PC: variants seen among roughly 807,000 people sequenced by gnomAD.
The protein encoded by PC is pyruvate carboxylase, mitochondrial.
In PC, 46 loss-of-function variants were observed where a neutral mutation model predicts 107.8. The observed-to-expected ratio is 0.43, with a 90% CI of 0.34 to 0.55. PC has a LOEUF of 0.55. Ranked by LOEUF, PC falls within the 20% of genes least tolerant of loss-of-function variation. PC has a pLI of 0.04. For synonymous variants in PC, 662 were observed against 684.7 expected, an observed-to-expected ratio of 0.97 and a Z score of 0.52; for missense variants, 1,241 against 1,643.1, an observed-to-expected ratio of 0.76 and a Z score of 4.23.
At chr11:66,859,788 C>T in intron 12 of PC, 1 of 1,598,196 alleles carries the variant, frequency 6.3e-7, no homozygotes, top group Non-Finnish European at 8.5e-7. Flanking sequence ...CTCCACGCTG[C>T]CGGCCTCGCC....
At chr11:66,876,931 A>G (rs1297257336) in intron 3 of PC, among the ~76,000 whole-genome samples, 1 of 152,164 alleles carries the variant, frequency 6.6e-6, no homozygotes, top group Non-Finnish European at 1.5e-5. Context: ...AGAAAGCAAG[A>G]GATTCAAAAT....
chr11:66,888,797 T>C (rs1463753256), intron 3 of PC, among the ~76,000 whole-genome samples: 1 of 152,138 alleles, frequency 6.6e-6, no homozygotes, highest in Non-Finnish European at 1.5e-5. Context: ...AAATCTTGGC[T>C]GGGTGCAGTG....
Position 66,871,644 on chromosome 11 carries a change from C to T in PC, c.321+43G>A, listed in dbSNP as rs1394865141. On this transcript the variant is annotated intron_variant, in intron 5 of 22. Transcript: ENST00000393960. This position sits in a 1 kb window ranked among gnomAD's most constrained non-coding sequence, Gnocchi z 7.4. ...GAGACCCCCGCGGCAACTAAGACTC[C>T]CTGGTCCCTGCTGTCCAGGCCCAGC... The T allele has an allele frequency of 1.9e-6, 3 of 1,562,222 alleles. No individual in the cohort carries two copies. Among genetic ancestry groups the T allele is most frequent in the Non-Finnish European group, 2.6e-6 (3 of 1,152,680 alleles).
intron 3 of PC, among the ~76,000 whole-genome samples, chr11:66,917,102 T>G (rs1358735925): frequency 6.6e-6 from 1 of 151,824 alleles, no homozygotes; most frequent in Non-Finnish European, 1.5e-5. Flanking sequence ...GACAGAGTCT[T>G]ACTCTGTTGC....
chr11:66,948,197 ACT>A (rs1045059942), intron 3 of PC, among the ~76,000 whole-genome samples: 23 of 150,472 alleles, frequency 1.5e-4, no homozygotes, highest in African/African-American at 5.4e-4. Flanking sequence ...ACAGAGCAAG[ACT>A]CTGTCTTAAA....
At chr11:66,937,269 T>G (rs1230932005) in intron 3 of PC, among the ~76,000 whole-genome samples, 1 of 152,174 alleles carries the variant, frequency 6.6e-6, no homozygotes, top group Non-Finnish European at 1.5e-5. Context: ...ATAATTACAG[T>G]TGAAGGTTTT....
At chr11:66,860,810 C>G in intron 12 of PC, 1 of 680,586 alleles carries the variant, frequency 1.5e-6, no homozygotes, top group South Asian at 1.6e-5. Context: ...CATGGCACTT[C>G]AGGGTCTGCG....
intron 3 of PC, among the ~76,000 whole-genome samples, chr11:66,884,148 G>A (rs1947277534): frequency 6.6e-6 from 1 of 152,008 alleles, no homozygotes; most frequent in African/African-American, 2.4e-5. Context: ...GGAGGCTGAG[G>A]CAGGAAAATC....
At chr11:66,915,389 T>C (rs11227624) in intron 3 of PC, among the ~76,000 whole-genome samples, 79,279 of 152,110 alleles carry the variant, frequency 0.52, 20,993 homozygotes, top group Non-Finnish European at 0.55. Context: ...CAGCTATAAT[T>C]GAACAGGGAA....
chr11:66,869,933 T>C (rs570355234), intron 9 of PC, among the ~76,000 whole-genome samples: 18 of 152,294 alleles, frequency 1.2e-4, no homozygotes, highest in African/African-American at 4.3e-4. Context: ...AGGACTGCCT[T>C]CATAATGGTC....
Position 66,858,095 on chromosome 11 carries a change from G to T in PC, c.1369-4712C>A. 6.2e-7 allele frequency: 1 copy of T among 1,609,544 alleles called. No individual in the cohort carries two copies. The highest frequency in any genetic ancestry group is 8.5e-7 in the Non-Finnish European group (1 of 1,178,248). ...TGGAGCTGGGCACCGGGAGCCTCCG[G>T]GGCCCCGTCAATCTGCAGCACCTCA... On this transcript the variant is annotated intron_variant, in intron 12 of 22. Coordinates refer to ENST00000393960, the MANE Select transcript of PC (RefSeq NM_001040716.2). This position sits in a 1 kb window ranked among gnomAD's most constrained non-coding sequence, Gnocchi z 5.9.
chr11:66,889,646 T>G (rs1947496288), intron 3 of PC, among the ~76,000 whole-genome samples: 1 of 152,142 alleles, frequency 6.6e-6, no homozygotes, highest in South Asian at 2.1e-4. Flanking sequence ...AGTGCTAGGA[T>G]TACAAGCATG....
At chr11:66,948,975 AATTATT>A (rs1275719208) in intron 3 of PC, among the ~76,000 whole-genome samples, 5 of 151,464 alleles carry the variant, frequency 3.3e-5, no homozygotes, top group South Asian at 2.1e-4. Flanking sequence ...AAAATGGAAG[AATTATT>A]ATTATTATTT....
chr11:66,862,481 T>C (rs1946310609), intron 12 of PC, among the ~76,000 whole-genome samples: 1 of 152,030 alleles, frequency 6.6e-6, no homozygotes, highest in African/African-American at 2.4e-5. Flanking sequence ...CAGGCAGGGC[T>C]GGAAGAAGCT....
At position 66,858,497 on chromosome 11, in the gene PC, G is replaced by C. The variant is rs767393572; in HGVS notation, c.1369-5114C>G. On this transcript the variant is annotated intron_variant, in intron 12 of 22. Transcript: ENST00000393960. This position sits in a 1 kb window ranked among gnomAD's most constrained non-coding sequence, Gnocchi z 5.9. ...TGTGGCTGCGGCGGCTGGCGCGGCCGGACGACCTGGAAACGTGCGCCTCCC... is the reference window on the plus strand; with the variant it reads ...TGTGGCTGCGGCGGCTGGCGCGGCCCGACGACCTGGAAACGTGCGCCTCCC... 2.8e-5 allele frequency: 43 copies of C among 1,537,748 alleles called. No homozygotes were observed. The highest frequency in any genetic ancestry group is 3.7e-5 in the Non-Finnish European group (43 of 1,147,810).
intron 3 of PC, among the ~76,000 whole-genome samples, chr11:66,905,429 C>T (rs1324457539): frequency 6.6e-6 from 1 of 152,192 alleles, no homozygotes; most frequent in Non-Finnish European, 1.5e-5. Context: ...CCAGTGGAGC[C>T]AGTTCAAATC....
At chr11:66,890,135 G>A (rs559088514) in intron 3 of PC, among the ~76,000 whole-genome samples, 64 of 152,122 alleles carry the variant, frequency 4.2e-4, no homozygotes, top group Non-Finnish European at 8.2e-4. Context: ...GAAGATTAGC[G>A]GCTGGTAGCA....
chr11:66,893,151 G>A (rs1947635473), intron 3 of PC, among the ~76,000 whole-genome samples: 1 of 152,156 alleles, frequency 6.6e-6, no homozygotes, highest in Admixed American at 6.5e-5. Context: ...TGACCCCAGG[G>A]CACGACTCAC....
At chr11:66,888,075 C>T (rs868767520) in intron 3 of PC, among the ~76,000 whole-genome samples, 1 of 152,180 alleles carries the variant, frequency 6.6e-6, no homozygotes. Flanking sequence ...CTGGATGATC[C>T]GGGATCACCT....
Sources: allele counts gnomAD v4.1 joint callset (sites outside exome capture counted in the v4.1 genomes callset), GRCh38; gene constraint gnomAD v4.1.1; non-coding constraint Gnocchi (gnomAD v3.1); transcripts MANE v1.5; gene names NCBI Gene and HGNC (gene_info 2026-07-23, HGNC 2026-07-21).